KANSL1: variants seen among roughly 807,000 people sequenced by gnomAD.
The protein encoded by KANSL1 is KAT8 regulatory NSL complex subunit 1.
Under a neutral mutation model 103.6 loss-of-function variants are expected in KANSL1, and 22 were observed. The observed-to-expected ratio is 0.21, with a 90% CI of 0.15 to 0.30. The LOEUF (loss-of-function observed/expected upper bound fraction) is 0.30, where lower values mean the gene tolerates loss of function less well. KANSL1 is among the 10% of genes least tolerant of loss of function. KANSL1 has a pLI of 1.00. For synonymous variants in KANSL1, 600 were observed against 527.6 expected, an observed-to-expected ratio of 1.14 and a Z score of -1.88; for missense variants, 1,337 against 1,399.8, an observed-to-expected ratio of 0.96 and a Z score of 0.72.
intron 1 of KANSL1, among the ~76,000 whole-genome samples, chr17:46,174,125 GAAAACTT>G (rs78892621): frequency 0.11 from 16,924 of 149,676 alleles, 1 homozygote; most frequent in Non-Finnish European, 0.17. Context: ...TAGTGTTTTT[GAAAACTT>G]GTATCAACAA....
At chr17:46,057,257 C>T (rs1260589612) in intron 6 of KANSL1, among the ~76,000 whole-genome samples, 1 of 152,050 alleles carries the variant, frequency 6.6e-6, no homozygotes, top group African/African-American at 2.4e-5. Context: ...AAATATGTTT[C>T]AATCAATGAC....
chr17:46,032,767 C>T lies in KANSL1; in HGVS notation c.2837+313G>A, dbSNP rs199767635. 2.6e-5 allele frequency among the ~76,000 whole-genome samples: 4 copies of T among 152,236 alleles called. No individual in the cohort carries two copies. In the East Asian group the frequency reaches 7.7e-4, roughly 29 times the overall value. On this transcript the variant is annotated intron_variant, in intron 13 of 14. Coordinates refer to ENST00000432791, the MANE Select transcript of KANSL1 (RefSeq NM_015443.4). ...AAGGAAGGTTAACTTGTAGCGAGGCCTTCCAAGCTCCCCGGGTTGAATCAC... is the reference window on the plus strand; with the variant it reads ...AAGGAAGGTTAACTTGTAGCGAGGCTTTCCAAGCTCCCCGGGTTGAATCAC...
intron 1 of KANSL1, among the ~76,000 whole-genome samples, chr17:46,215,442 T>C (rs2048309528): frequency 1.3e-5 from 2 of 152,194 alleles, no homozygotes. Context: ...ACATGCATTT[T>C]ACAAGGATCA....
intron 2 of KANSL1, among the ~76,000 whole-genome samples, chr17:46,136,278 G>C (rs2147319273): frequency 6.6e-6 from 1 of 152,332 alleles, no homozygotes; most frequent in South Asian, 2.1e-4. Flanking sequence ...TATATAGGTT[G>C]ATGTACCTTC....
chr17:46,176,756 A>G (rs902309164), intron 1 of KANSL1, among the ~76,000 whole-genome samples: 13 of 152,166 alleles, frequency 8.5e-5, no homozygotes, highest in Admixed American at 5.2e-4. Flanking sequence ...TGAACTTGAC[A>G]TTAACATATA....
At chr17:46,122,640 T>C (rs145656249) in intron 2 of KANSL1, among the ~76,000 whole-genome samples, 173 of 152,376 alleles carry the variant, frequency 1.1e-3, no homozygotes, top group African/African-American at 4.0e-3. Flanking sequence ...TCAATGTTTA[T>C]GGCAACCCTG....
intron 6 of KANSL1, among the ~76,000 whole-genome samples, chr17:46,062,109 A>C (rs1342787322): frequency 1.6e-4 from 6 of 36,878 alleles, no homozygotes; most frequent in South Asian, 3.0e-3. Flanking sequence ...AAAAAAAAAA[A>C]CAAACAAACA....
At chr17:46,158,643 T>C (rs2045566660) in intron 2 of KANSL1, among the ~76,000 whole-genome samples, 1 of 152,208 alleles carries the variant, frequency 6.6e-6, no homozygotes, top group Admixed American at 6.5e-5. Context: ...TGGGTTCAAG[T>C]GATTCTCCTG....
At chr17:46,070,268 C>G (rs1468899359) in intron 4 of KANSL1, among the ~76,000 whole-genome samples, 1 of 151,916 alleles carries the variant, frequency 6.6e-6, no homozygotes, top group East Asian at 1.9e-4. Context: ...TAAAAAGAAT[C>G]ATAAAGGATA....
chr17:46,088,859 AGCCTGG>A (rs1440981687), intron 3 of KANSL1, among the ~76,000 whole-genome samples: 1 of 152,230 alleles, frequency 6.6e-6, no homozygotes, highest in African/African-American at 2.4e-5. Context: ...ATTGCACCTC[AGCCTGG>A]GCAACAGAGC....
chr17:46,067,800 T>C, intron 4 of KANSL1, 133 bp from the exon 5 acceptor site: 1 of 604,162 alleles, frequency 1.7e-6, no homozygotes, highest in South Asian at 2.0e-5. Flanking sequence ...CTTGAATGAC[T>C]GAAGAAAAAG....
chr17:46,096,507 A>C (rs1405092244), intron 2 of KANSL1, among the ~76,000 whole-genome samples: 1 of 145,536 alleles, frequency 6.9e-6, no homozygotes, highest in Non-Finnish European at 1.6e-5. Context: ...TTTAGTAGAC[A>C]CGGGGTTTCT....
In KANSL1 at chr17:46,033,146, C is replaced by T; in HGVS notation, c.2771G>A (p.Cys924Tyr). 1.9e-6 allele frequency: 3 copies of T among 1,607,434 alleles called. No homozygotes were observed. Among genetic ancestry groups the T allele is most frequent in the East Asian group, 2.2e-5 (1 of 44,656 alleles). The change falls in exon 13 of 15, where the codon TGT becomes TAT. Residue 924 changes from cysteine (C) to tyrosine (Y), a missense_variant. Cys to Tyr is a radical substitution (Grantham distance 194). This residue lies in a region of KANSL1 where 780 missense variants were observed against 923.4 expected (regional missense o/e 0.84). Transcript: ENST00000432791. ...DAAFAALHAK[C>Y]EEMERARWLW... ...CCACCGTGCCCTCTCCATCTCCTCA[C>T]ATTTGGCATGCAGGGCGGCGAAGGC...
At position 46,171,211 on chromosome 17, in the gene KANSL1, C is replaced by T. The variant is rs2046267576; in HGVS notation, c.933G>A (p.Lys311=). The change falls in exon 2 of 15, where the codon AAG becomes AAA. Residue 311 remains lysine, a synonymous_variant. Transcript: ENST00000432791. ...LQKRLQVVQA[K]QVERHIQHQL... is the part of the protein sequence containing the mutation. ...GATGTTGTATATGCCTCTCAACCTG[C>T]TTGGCTTGCACAACCTGTAAGCGCT... 6.2e-7 allele frequency: 1 copy of T among 1,614,004 alleles called. No individual in the cohort carries two copies. The highest frequency in any genetic ancestry group is 8.5e-7 in the Non-Finnish European group (1 of 1,180,052).
intron 13 of KANSL1, 130 bp downstream of exon 13, chr17:46,032,950 T>C (rs1598442959): frequency 1.3e-5 from 9 of 668,132 alleles, no homozygotes; most frequent in East Asian, 5.5e-5. Flanking sequence ...TCTGAGCTAT[T>C]TGCCACTGCC....
intron 6 of KANSL1, among the ~76,000 whole-genome samples, chr17:46,055,419 C>T (rs935794897): frequency 3.3e-5 from 5 of 150,620 alleles, no homozygotes; most frequent in African/African-American, 4.9e-5. Context: ...GAGCTGAGAT[C>T]GCACCACTGC....
chr17:46,178,794 A>G (rs796523797), intron 1 of KANSL1, among the ~76,000 whole-genome samples: 27 of 152,318 alleles, frequency 1.8e-4, no homozygotes, highest in African/African-American at 6.5e-4. Context: ...CTTTTTTAAC[A>G]AGCACCTTTT....
At chr17:46,062,104 AAAAAACAAAC>A in intron 6 of KANSL1, among the ~76,000 whole-genome samples, 1 of 64,304 alleles carries the variant, frequency 1.6e-5, no homozygotes, top group African/African-American at 5.2e-5. Flanking sequence ...AAAAAAAAAA[AAAAAACAAAC>A]AAACAAAAAA....
intron 1 of KANSL1, among the ~76,000 whole-genome samples, chr17:46,209,498 G>A (rs1370030142): frequency 6.6e-6 from 1 of 152,106 alleles, no homozygotes; most frequent in African/African-American, 2.4e-5. Context: ...TGGGTTTTTT[G>A]TTGTTGTTTT....
Sources: gnomAD v4.1 joint callset for allele counts (sites outside exome capture counted in the v4.1 genomes callset) on GRCh38, gnomAD v4.1.1 for gene constraint, gnomAD v4.1.1 regional missense constraint, MANE v1.5 for transcripts, NCBI Gene and HGNC (gene_info 2026-07-23, HGNC 2026-07-21) for gene names.